Variants in GSE1 observed in about 807,000 individuals in gnomAD.
GSE1 encodes genetic suppressor element 1.
Under a neutral mutation model 112.6 loss-of-function variants are expected in GSE1, and 32 were observed. That is an observed-to-expected ratio of 0.28 (90% CI 0.21 to 0.38). The LOEUF (loss-of-function observed/expected upper bound fraction) is 0.38. Ranked by LOEUF, GSE1 falls within the 10% of genes least tolerant of loss-of-function variation. GSE1 has a pLI of 1.00. For missense variants in GSE1, 2,348 were observed against 1,699.2 expected, an observed-to-expected ratio of 1.38 and a Z score of -6.71; for synonymous variants, 1,115 against 735.6, an observed-to-expected ratio of 1.52 and a Z score of -8.35.
At chr16:85,632,479 C>T (rs2049620250) in intron 1 of GSE1, among the ~76,000 whole-genome samples, 1 of 152,210 alleles carries the variant, frequency 6.6e-6, no homozygotes, top group African/African-American at 2.4e-5. Context: ...GGCCAGGACT[C>T]ACGGCCTTTG....
chr16:85,568,140 C>T (rs1257434782), intron 1 of GSE1, among the ~76,000 whole-genome samples: 1 of 152,196 alleles, frequency 6.6e-6, no homozygotes, highest in Non-Finnish European at 1.5e-5. Flanking sequence ...CTCCACCCAC[C>T]CACATCCTCT....
At chr16:85,585,521 G>T (rs1490172461) in intron 1 of GSE1, among the ~76,000 whole-genome samples, 1 of 152,224 alleles carries the variant, frequency 6.6e-6, no homozygotes, top group Non-Finnish European at 1.5e-5. Context: ...TTGGCACGTG[G>T]TTGCCTTTGG....
chr16:85,193,349 T>A (rs895238709), intron 1 of GSE1, among the ~76,000 whole-genome samples: 18 of 152,194 alleles, frequency 1.2e-4, no homozygotes, highest in South Asian at 2.1e-4. Context: ...TTCTTATTTT[T>A]ATTTTTTTGT....
intron 1 of GSE1, among the ~76,000 whole-genome samples, chr16:85,278,493 T>A (rs1211026292): frequency 6.6e-6 from 1 of 152,274 alleles, no homozygotes; most frequent in African/African-American, 2.4e-5. Flanking sequence ...TCTATGATCC[T>A]GAATTCACAA....
chr16:85,241,474 G>T (rs1905165087), intron 1 of GSE1, among the ~76,000 whole-genome samples: 1 of 152,238 alleles, frequency 6.6e-6, no homozygotes, highest in African/African-American at 2.4e-5. Flanking sequence ...CCAGGGAAAT[G>T]GGCGGGTACT....
chr16:85,629,819 G>C (rs910253996), intron 1 of GSE1, among the ~76,000 whole-genome samples: 1 of 152,174 alleles, frequency 6.6e-6, no homozygotes, highest in African/African-American at 2.4e-5. Context: ...GATGGATTGA[G>C]GGGGCGGCCT....
intron 2 of GSE1, among the ~76,000 whole-genome samples, chr16:85,507,256 C>T (rs560113526): frequency 6.6e-6 from 1 of 152,332 alleles, no homozygotes; most frequent in East Asian, 1.9e-4. Flanking sequence ...TCATAAATCC[C>T]TCTGCAGAGC....
intron 1 of GSE1, among the ~76,000 whole-genome samples, chr16:85,602,561 C>G (rs1335952712): frequency 2.0e-5 from 3 of 152,174 alleles, no homozygotes; most frequent in South Asian, 2.1e-4. Flanking sequence ...GGGTGACCCG[C>G]TGCTCCAGAA....
intron 11 of GSE1, chr16:85,664,693 C>T (rs1432389629): frequency 3.0e-5 from 7 of 233,338 alleles, no homozygotes; most frequent in Non-Finnish European, 5.9e-5. Context: ...TTGGGGCCAC[C>T]TTGTCTGACT....
chr16:85,272,593 G>C (rs929191575), intron 1 of GSE1, among the ~76,000 whole-genome samples: 1 of 152,090 alleles, frequency 6.6e-6, no homozygotes, highest in African/African-American at 2.4e-5. Context: ...GCTCAGAGCT[G>C]GCCCTTTCTG....
chr16:85,336,240 T>G (rs941762363), intron 1 of GSE1, among the ~76,000 whole-genome samples: 2 of 152,056 alleles, frequency 1.3e-5, no homozygotes, highest in African/African-American at 4.8e-5. Flanking sequence ...ACTCCAGCAG[T>G]GTTTGGGGAT....
chr16:85,507,218 C>T (rs186943782), intron 2 of GSE1, among the ~76,000 whole-genome samples: 114 of 152,336 alleles, frequency 7.5e-4, no homozygotes, highest in East Asian at 4.6e-3. Flanking sequence ...TTGTGTCAAG[C>T]GAGATTGCTT....
chr16:85,586,866 A>C (rs1452118171), intron 1 of GSE1, among the ~76,000 whole-genome samples: 2 of 152,234 alleles, frequency 1.3e-5, no homozygotes, highest in South Asian at 4.1e-4. Context: ...CAGAAGGCAC[A>C]GTAGCTAACT....
intron 1 of GSE1, among the ~76,000 whole-genome samples, chr16:85,243,017 TGCC>T (rs1260392356): frequency 6.6e-6 from 1 of 152,142 alleles, no homozygotes; most frequent in African/African-American, 2.4e-5. Flanking sequence ...CTCGCTGTGT[TGCC>T]CAGGCTGGTC....
At chr16:85,282,369 G>A (rs940205621) in intron 1 of GSE1, among the ~76,000 whole-genome samples, 22 of 152,082 alleles carry the variant, frequency 1.4e-4, no homozygotes, top group African/African-American at 4.8e-4. Context: ...ATTTGCCACC[G>A]ACCTGCCTCT....
intron 2 of GSE1, among the ~76,000 whole-genome samples, chr16:85,532,484 A>G (rs1462337220): frequency 6.6e-6 from 1 of 152,000 alleles, no homozygotes. Flanking sequence ...CTGGCCTCAA[A>G]CTCATGGGTT....
At chr16:85,640,993 C>T (rs1171874996) in intron 2 of GSE1, among the ~76,000 whole-genome samples, 1 of 152,224 alleles carries the variant, frequency 6.6e-6, no homozygotes, top group Admixed American at 6.5e-5. Flanking sequence ...ACCCCTTCTC[C>T]GCATAGCACA....
intron 1 of GSE1, among the ~76,000 whole-genome samples, chr16:85,275,700 GCCTGTAAAGCTGCAGCCC>G (rs1445887822): frequency 6.6e-6 from 1 of 152,248 alleles, no homozygotes; most frequent in Non-Finnish European, 1.5e-5. Flanking sequence ...CTGAATAGGG[GCCTGTAAAGCTGCAGCCC>G]TCCGCGTGGG....
chr16:85,439,005 TC>T (rs1191201744), intron 2 of GSE1, among the ~76,000 whole-genome samples: 1 of 152,040 alleles, frequency 6.6e-6, no homozygotes. Context: ...AGAGTCAACC[TC>T]CCCACACGGT....
Sources: gnomAD v4.1 joint callset for allele counts (sites outside exome capture counted in the v4.1 genomes callset) on GRCh38, gnomAD v4.1.1 for gene constraint, MANE v1.5 for transcripts, NCBI Gene and HGNC (gene_info 2026-07-23, HGNC 2026-07-21) for gene names.